FRMD4A: variants seen among roughly 807,000 people sequenced by gnomAD.
The protein encoded by FRMD4A is FERM domain containing 4A.
A neutral mutation model predicts 129.1 loss-of-function variants in FRMD4A; 29 were observed. The observed-to-expected ratio is 0.22, with a 90% CI of 0.17 to 0.31. The LOEUF is 0.31. FRMD4A is among the 10% of genes least tolerant of loss of function. The pLI is 1.00. For synonymous variants in FRMD4A, 634 were observed against 571.6 expected, an observed-to-expected ratio of 1.11 and a Z score of -1.56; for missense variants, 1,272 against 1,375.8, an observed-to-expected ratio of 0.92 and a Z score of 1.19.
chr10:14,173,794 C>T (rs1208643212), intron 2 of FRMD4A, among the ~76,000 whole-genome samples: 4 of 152,094 alleles, frequency 2.6e-5, no homozygotes, highest in Non-Finnish European at 2.9e-5. Context: ...CTGAGGTTCC[C>T]ATTGTCCACG....
At chr10:13,884,184 A>ACTCACACACACTCACACACTCT (rs780160804) in intron 2 of FRMD4A, among the ~76,000 whole-genome samples, 1 of 79,550 alleles carries the variant, frequency 1.3e-5, no homozygotes, top group African/African-American at 4.3e-5. Context: ...ACTCACACAC[A>ACTCACACACACTCACACACTCT]CACACACACA....
At chr10:13,864,338 C>T (rs373158516) in intron 2 of FRMD4A, among the ~76,000 whole-genome samples, 21 of 114,664 alleles carry the variant, frequency 1.8e-4, no homozygotes, top group African/African-American at 6.7e-4. Context: ...CATCTTGAGT[C>T]AAAAAAAAAA....
intron 2 of FRMD4A, among the ~76,000 whole-genome samples, chr10:13,983,296 T>C (rs1413829990): frequency 6.6e-6 from 1 of 152,170 alleles, no homozygotes; most frequent in Non-Finnish European, 1.5e-5. Context: ...AAAGCAAAGT[T>C]CATCCTCCCC....
intron 2 of FRMD4A, among the ~76,000 whole-genome samples, chr10:13,943,737 C>T (rs1032964046): frequency 2.0e-5 from 3 of 150,622 alleles, no homozygotes; most frequent in East Asian, 3.9e-4. Flanking sequence ...AGAGTGTTAC[C>T]TTGCATGTAA....
At chr10:13,931,861 A>C (rs1320656681) in intron 2 of FRMD4A, among the ~76,000 whole-genome samples, 2 of 151,892 alleles carry the variant, frequency 1.3e-5, no homozygotes, top group East Asian at 3.9e-4. Context: ...AGGCAGGAGA[A>C]TCGCTTGAAC....
At chr10:13,823,265 C>T (rs1449847609) in intron 3 of FRMD4A, among the ~76,000 whole-genome samples, 6 of 152,126 alleles carry the variant, frequency 3.9e-5, no homozygotes, top group East Asian at 3.9e-4. Flanking sequence ...CTCTGGGAGG[C>T]GGGCAGGTGT....
chr10:13,730,833 G>GTGAA (rs2090267322), intron 12 of FRMD4A, among the ~76,000 whole-genome samples: 1 of 129,696 alleles, frequency 7.7e-6, no homozygotes, highest in Non-Finnish European at 1.6e-5. Context: ...GACTAACATG[G>GTGAA]TGAAACCCAG....
intron 2 of FRMD4A, among the ~76,000 whole-genome samples, chr10:13,889,602 A>G (rs2094670706): frequency 6.6e-6 from 1 of 152,248 alleles, no homozygotes. Flanking sequence ...CGTGCCATAA[A>G]TAACAAGTCT....
intron 2 of FRMD4A, among the ~76,000 whole-genome samples, chr10:14,264,560 G>C (rs1440568669): frequency 7.7e-6 from 1 of 129,422 alleles, no homozygotes; most frequent in Non-Finnish European, 1.6e-5. Context: ...ACTGTATACA[G>C]TGCTAACTTA....
rs1589270378 is a variant in FRMD4A at position 14,289,652 on chromosome 10, C to A, written c.45+40406G>T. Among the ~76,000 whole-genome samples, 4 of 152,184 alleles carry A rather than the reference C, an allele frequency of 2.6e-5. No individual in the cohort carries two copies. In the South Asian group the frequency reaches 8.3e-4, roughly 32 times the overall value. ...ATAAAGTCCATATATGAAAAGCCCC[C>A]AGCTAACACCATCATCAATGATGAA... On this transcript the variant is annotated intron_variant, in intron 2 of 24. Transcript: ENST00000357447.
At chr10:13,797,232 C>T (rs960203382) in intron 4 of FRMD4A, among the ~76,000 whole-genome samples, 5 of 152,158 alleles carry the variant, frequency 3.3e-5, no homozygotes, top group African/African-American at 1.2e-4. Flanking sequence ...CACCACACTC[C>T]CAGGTGCCTT....
intron 2 of FRMD4A, among the ~76,000 whole-genome samples, chr10:14,236,511 T>C (rs936207999): frequency 6.6e-6 from 1 of 152,224 alleles, no homozygotes; most frequent in East Asian, 1.9e-4. Context: ...TGCTTGCTGC[T>C]GCTGCTGGAG....
rs1414524733 is a variant in FRMD4A at position 14,310,136 on chromosome 10, A to T, written c.45+19922T>A. ...GGCCCTGCCTCCCCAGCTGGCTGGG[A>T]TCTGCCTCGGCTTTGGGCCTCTGCA... On this transcript the variant is annotated intron_variant, in intron 2 of 24. Transcript: ENST00000357447. Among the ~76,000 whole-genome samples, 4 of 151,740 alleles carry T rather than the reference A, an allele frequency of 2.6e-5. No individual in the cohort carries two copies. In the East Asian group the frequency reaches 7.8e-4, roughly 30 times the overall value.
chr10:13,842,549 A>C (rs2093983098), intron 3 of FRMD4A, among the ~76,000 whole-genome samples: 2 of 152,192 alleles, frequency 1.3e-5, no homozygotes, highest in South Asian at 4.1e-4. Context: ...AAAGGTAAAA[A>C]CATTTCCCAA....
chr10:14,249,301 G>A (rs1161607480), intron 2 of FRMD4A, among the ~76,000 whole-genome samples: 1 of 150,758 alleles, frequency 6.6e-6, no homozygotes, highest in Non-Finnish European at 1.5e-5. Flanking sequence ...GCAGTGAGCT[G>A]AGATCCTGCC....
intron 2 of FRMD4A, among the ~76,000 whole-genome samples, chr10:13,955,027 A>T: frequency 6.6e-6 from 1 of 152,094 alleles, no homozygotes; most frequent in Non-Finnish European, 1.5e-5. Context: ...CAAATGTCAC[A>T]GACTACTAAC....
chr10:13,765,348 C>A (rs993355259), intron 6 of FRMD4A, among the ~76,000 whole-genome samples: 15 of 152,008 alleles, frequency 9.9e-5, no homozygotes, highest in African/African-American at 3.6e-4. Context: ...AACTTCTGAC[C>A]TCAGGTGATC....
At chr10:14,119,122 A>G (rs547401500) in intron 2 of FRMD4A, among the ~76,000 whole-genome samples, 1 of 152,256 alleles carries the variant, frequency 6.6e-6, no homozygotes, top group African/African-American at 2.4e-5. Context: ...GTCACCTGAA[A>G]GCACTCAGGG....
At chr10:14,192,504 C>T (rs1378951912) in intron 2 of FRMD4A, among the ~76,000 whole-genome samples, 1 of 152,218 alleles carries the variant, frequency 6.6e-6, no homozygotes, top group East Asian at 1.9e-4. Flanking sequence ...AATTCCTCCA[C>T]ATTCCTTTTA....
Sources: allele counts gnomAD v4.1 joint callset (sites outside exome capture counted in the v4.1 genomes callset), GRCh38; gene constraint gnomAD v4.1.1; transcripts MANE v1.5; gene names NCBI Gene and HGNC (gene_info 2026-07-23, HGNC 2026-07-21).